ADGRV1: variants seen among roughly 807,000 people sequenced by gnomAD.
The protein encoded by ADGRV1 is G-protein coupled receptor 98.
Under a neutral mutation model 596.2 loss-of-function variants are expected in ADGRV1, and 359 were observed. That is an observed-to-expected ratio of 0.60 (90% CI 0.55 to 0.66). The LOEUF is 0.66. Among genes scored for constraint, ADGRV1 ranks in the 30% least tolerant of loss-of-function variants. The pLI is 0.00. For synonymous variants in ADGRV1, 2,681 were observed against 2,679.2 expected, an observed-to-expected ratio of 1.00 and a Z score of -0.02; for missense variants, 7,274 against 7,575.6, an observed-to-expected ratio of 0.96 and a Z score of 1.48.
chr5:90,674,324 C>G, intron 23 of ADGRV1, 90 bp downstream of exon 23: 3 of 983,360 alleles, frequency 3.1e-6, no homozygotes, highest in East Asian at 2.8e-5. Context: ...TTGCAAATGA[C>G]GGAAGTAGAA....
At chr5:90,621,101 C>T (rs1376513694) in intron 4 of ADGRV1, among the ~76,000 whole-genome samples, 1 of 152,178 alleles carries the variant, frequency 6.6e-6, no homozygotes, top group Non-Finnish European at 1.5e-5. Context: ...TTTCCAGCTC[C>T]TAAAACCAAG....
intron 70 of ADGRV1, 68 bp downstream of exon 70, chr5:90,791,414 T>A: frequency 8.7e-7 from 1 of 1,144,574 alleles, no homozygotes; most frequent in Non-Finnish European, 1.2e-6. Context: ...CATGCTTACC[T>A]CATAATCAGT....
chr5:90,596,120 G>A (rs1344122641), intron 1 of ADGRV1, among the ~76,000 whole-genome samples: 3 of 150,158 alleles, frequency 2.0e-5, no homozygotes, highest in African/African-American at 7.4e-5. Flanking sequence ...TGGGGTGGCG[G>A]CCGGGCAGAG....
chr5:91,145,734 C>T (rs147754115), intron 87 of ADGRV1, among the ~76,000 whole-genome samples: 1 of 151,872 alleles, frequency 6.6e-6, no homozygotes, highest in East Asian at 1.9e-4. Flanking sequence ...TTATTTTTAG[C>T]AGATAAACCA....
chr5:90,668,669 C>A (rs905399204), intron 21 of ADGRV1, among the ~76,000 whole-genome samples: 1 of 152,020 alleles, frequency 6.6e-6, no homozygotes, highest in South Asian at 2.1e-4. Flanking sequence ...GCTTGACATT[C>A]GAAAGCTCTT....
chr5:90,923,289 A>T (rs768578466), intron 83 of ADGRV1, among the ~76,000 whole-genome samples: 8 of 152,154 alleles, frequency 5.3e-5, no homozygotes, highest in Non-Finnish European at 1.0e-4. Flanking sequence ...CCTAATGTAT[A>T]TAAAGGATAA....
chr5:90,798,208 A>C (rs1212707002), intron 70 of ADGRV1, among the ~76,000 whole-genome samples: 1 of 152,170 alleles, frequency 6.6e-6, no homozygotes, highest in East Asian at 1.9e-4. Context: ...AGAGAGAAGA[A>C]TCAAATAGAC....
intron 87 of ADGRV1, among the ~76,000 whole-genome samples, chr5:91,136,876 T>C (rs1794679746): frequency 6.4e-4 from 1 of 1,566 alleles, no homozygotes; most frequent in African/African-American, 3.6e-3. Context: ...AAAATCTTTA[T>C]TTGGATTTTT....
At chr5:90,927,371 C>T (rs1774610295) in intron 83 of ADGRV1, among the ~76,000 whole-genome samples, 1 of 151,998 alleles carries the variant, frequency 6.6e-6, no homozygotes, top group South Asian at 2.1e-4. Context: ...TTGAATTGAT[C>T]CCTTTACCAT....
At chr5:90,772,242 A>G (rs1332717875) in intron 59 of ADGRV1, among the ~76,000 whole-genome samples, 1 of 152,154 alleles carries the variant, frequency 6.6e-6, no homozygotes, top group South Asian at 2.1e-4. Context: ...TGGTGTTTTC[A>G]TGGTCATTCA....
chr5:91,094,420 C>G (rs992317371), intron 86 of ADGRV1, among the ~76,000 whole-genome samples: 2 of 150,062 alleles, frequency 1.3e-5, no homozygotes, highest in African/African-American at 4.9e-5. Flanking sequence ...GATCAGGCCA[C>G]TGCACTCCAG....
intron 75 of ADGRV1, 81 bp downstream of exon 75, chr5:90,815,817 G>A: frequency 3.6e-6 from 3 of 833,674 alleles, no homozygotes; most frequent in Non-Finnish European, 3.9e-6. Flanking sequence ...CAATGGTGGA[G>A]GGCAGGGTAA....
chr5:90,623,312 C>A (rs1461362636), intron 5 of ADGRV1, among the ~76,000 whole-genome samples: 1 of 152,120 alleles, frequency 6.6e-6, no homozygotes, highest in African/African-American at 2.4e-5. Context: ...ATTCATGGAA[C>A]TTTTATGATA....
chr5:91,069,536 A>C (rs1788188134), intron 85 of ADGRV1, among the ~76,000 whole-genome samples: 1 of 152,238 alleles, frequency 6.6e-6, no homozygotes, highest in African/African-American at 2.4e-5. Context: ...CATCAGGGAA[A>C]TGCAAATCAA....
chr5:90,578,721 G>A (rs1162160992), intron 1 of ADGRV1, among the ~76,000 whole-genome samples: 2 of 152,154 alleles, frequency 1.3e-5, no homozygotes, highest in Admixed American at 6.6e-5. Flanking sequence ...GGTAGAATTC[G>A]GCTGTGAATC....
chr5:90,816,893 G>C (rs1316212910), intron 75 of ADGRV1, among the ~76,000 whole-genome samples: 27 of 152,174 alleles, frequency 1.8e-4, no homozygotes, highest in African/African-American at 6.0e-4. Flanking sequence ...TGTCTTTATA[G>C]CAGCATGATC....
intron 86 of ADGRV1, among the ~76,000 whole-genome samples, chr5:91,090,093 T>C (rs1322136403): frequency 6.6e-6 from 1 of 152,196 alleles, no homozygotes; most frequent in Non-Finnish European, 1.5e-5. Flanking sequence ...TGTAGAAAAT[T>C]ACTACGACAG....
chr5:90,820,606 G>T (rs1255289682), intron 75 of ADGRV1, among the ~76,000 whole-genome samples: 3 of 151,202 alleles, frequency 2.0e-5, no homozygotes, highest in Non-Finnish European at 4.4e-5. Context: ...TTTAGGGCAG[G>T]CCTGGTGGTG....
At chr5:90,741,377 A>AT (rs1561637893) in intron 50 of ADGRV1, among the ~76,000 whole-genome samples, 5 of 151,766 alleles carry the variant, frequency 3.3e-5, no homozygotes, top group East Asian at 1.9e-4. Context: ...TGAGTGACTT[A>AT]TCATTCAACA....
Sources: allele counts gnomAD v4.1 joint callset (sites outside exome capture counted in the v4.1 genomes callset), GRCh38; gene constraint gnomAD v4.1.1; transcripts MANE v1.5; gene names NCBI Gene and HGNC (gene_info 2026-07-23, HGNC 2026-07-21).